FMN1: variants seen among roughly 807,000 people sequenced by gnomAD.
FMN1 encodes formin-1.
FMN1 carries 110 observed loss-of-function variants against 132.4 expected under a neutral mutation model. The ratio of observed to expected loss-of-function variants is 0.83; its 90% CI spans 0.71 to 0.97. The LOEUF (loss-of-function observed/expected upper bound fraction) is 0.97. Among genes scored for constraint, FMN1 ranks in the 50% least tolerant of loss-of-function variants. The pLI, the probability that FMN1 is intolerant of heterozygous loss-of-function variation, is 0.00. For missense variants in FMN1, 1,792 were observed against 1,705.3 expected (o/e 1.05, Z -0.90); for synonymous variants, 722 against 651.7 (o/e 1.11, Z -1.64).
chr15:32,937,265 C>A (rs977524260), intron 9 of FMN1, among the ~76,000 whole-genome samples: 1 of 152,168 alleles, frequency 6.6e-6, no homozygotes, highest in African/African-American at 2.4e-5. Flanking sequence ...CCCCAAAAGT[C>A]TGAACATTAG....
intron 6 of FMN1, among the ~76,000 whole-genome samples, chr15:33,057,817 A>T (rs1316918925): frequency 1.3e-5 from 2 of 152,182 alleles, no homozygotes; most frequent in East Asian, 3.8e-4. Context: ...ATTTCTCAGA[A>T]ATAATTTGTT....
intron 4 of FMN1, among the ~76,000 whole-genome samples, chr15:33,114,517 T>C (rs927063912): frequency 6.6e-6 from 1 of 152,250 alleles, no homozygotes; most frequent in Non-Finnish European, 1.5e-5. Context: ...AAACAAGTCA[T>C]TGTCGATCCA....
At chr15:33,142,124 C>A (rs1202490409) in intron 4 of FMN1, among the ~76,000 whole-genome samples, 1 of 152,152 alleles carries the variant, frequency 6.6e-6, no homozygotes, top group East Asian at 1.9e-4. Context: ...ATAACTATAC[C>A]AACAACTCCA....
intron 4 of FMN1, among the ~76,000 whole-genome samples, chr15:33,089,824 T>C (rs775553908): frequency 6.6e-6 from 1 of 152,208 alleles, no homozygotes; most frequent in African/African-American, 2.4e-5. Flanking sequence ...ATTCTTAAGA[T>C]GGCAATATGT....
intron 17 of FMN1, among the ~76,000 whole-genome samples, chr15:32,850,589 T>G (rs2058986647): frequency 6.6e-6 from 1 of 152,208 alleles, no homozygotes; most frequent in Admixed American, 6.5e-5. Context: ...AAGCTGTTTG[T>G]TCATAAATTC....
intron 4 of FMN1, among the ~76,000 whole-genome samples, chr15:33,113,341 TTATC>T: frequency 6.6e-6 from 1 of 152,344 alleles, no homozygotes; most frequent in South Asian, 2.1e-4. Flanking sequence ...AAAATTTGAA[TTATC>T]TATTGTTTTA....
intron 6 of FMN1, among the ~76,000 whole-genome samples, chr15:33,058,706 C>CTTTA (rs1350738056): frequency 2.0e-5 from 3 of 152,170 alleles, no homozygotes; most frequent in African/African-American, 7.2e-5. Context: ...ATATGCTCTA[C>CTTTA]TTTATTGTTC....
chr15:33,129,769 GAA>G (rs1276990366), intron 4 of FMN1, among the ~76,000 whole-genome samples: 1 of 149,972 alleles, frequency 6.7e-6, no homozygotes, highest in Non-Finnish European at 1.5e-5. Context: ...CCTCTGACCA[GAA>G]AAGAGTTGAC....
intron 10 of FMN1, among the ~76,000 whole-genome samples, chr15:32,915,095 A>T (rs1363839343): frequency 6.6e-6 from 1 of 152,232 alleles, no homozygotes; most frequent in African/African-American, 2.4e-5. Flanking sequence ...TATGGAGATT[A>T]AATTAGTTGT....
At chr15:32,978,308 A>G (rs2032376645) in intron 7 of FMN1, among the ~76,000 whole-genome samples, 1 of 152,226 alleles carries the variant, frequency 6.6e-6, no homozygotes, top group South Asian at 2.1e-4. Flanking sequence ...TTGAGACACA[A>G]AACAAAATTG....
At chr15:33,140,612 CAAT>C (rs1369530170) in intron 4 of FMN1, among the ~76,000 whole-genome samples, 1 of 152,118 alleles carries the variant, frequency 6.6e-6, no homozygotes. Context: ...ATAATTACAA[CAAT>C]GTAAAGTGCT....
At chr15:33,155,588 T>A (rs1202621914) in intron 3 of FMN1, among the ~76,000 whole-genome samples, 1 of 152,216 alleles carries the variant, frequency 6.6e-6, no homozygotes, top group Non-Finnish European at 1.5e-5. Flanking sequence ...CCAAATTTGG[T>A]GTCAACAGTA....
chr15:32,954,408 G>A lies in FMN1; in HGVS notation c.3138+9699C>T, dbSNP rs76930829. 6.8e-3 allele frequency among the ~76,000 whole-genome samples: 1,042 copies of A among 152,278 alleles called. 18 individuals carry two copies. The highest frequency in any genetic ancestry group is 0.024 in the African/African-American group (995 of 41,540). ...TCTATCTGCCTTCTAAAAATAAAAT[G>A]AAAGTTGGCAGATCTTGAGTGTCTT... is the stretch of plus-strand genomic sequence containing the variant. On this transcript the variant is annotated intron_variant, in intron 9 of 20. Coordinates refer to ENST00000616417, the MANE Select transcript of FMN1 (RefSeq NM_001277313.2).
intron 6 of FMN1, among the ~76,000 whole-genome samples, chr15:33,033,974 C>CT (rs2036072112): frequency 6.6e-6 from 1 of 152,066 alleles, no homozygotes; most frequent in South Asian, 2.1e-4. Context: ...CATTTCTCCT[C>CT]TTCATCTCAG....
chr15:32,871,676 G>A (rs1439014796), intron 16 of FMN1, among the ~76,000 whole-genome samples: 1 of 152,178 alleles, frequency 6.6e-6, no homozygotes, highest in Non-Finnish European at 1.5e-5. Context: ...TAGGTAAAAA[G>A]GAAAAACCTT....
intron 16 of FMN1, among the ~76,000 whole-genome samples, chr15:32,863,464 T>C (rs1005845183): frequency 5.9e-5 from 9 of 152,064 alleles, no homozygotes; most frequent in East Asian, 1.9e-4. Flanking sequence ...ATAAAATAAA[T>C]AAACACATCA....
intron 9 of FMN1, among the ~76,000 whole-genome samples, chr15:32,954,526 A>G (rs919248714): frequency 3.3e-5 from 5 of 152,242 alleles, no homozygotes; most frequent in African/African-American, 1.2e-4. Context: ...GAGAATTTAA[A>G]GGACTTGTTC....
intron 17 of FMN1, among the ~76,000 whole-genome samples, chr15:32,837,675 T>G (rs977477761): frequency 2.6e-5 from 4 of 152,234 alleles, no homozygotes; most frequent in Non-Finnish European, 1.5e-5. Context: ...ATCAGCTATA[T>G]CTAATGCTCC....
chr15:33,112,330 TG>T (rs200685991), intron 4 of FMN1, among the ~76,000 whole-genome samples: 10,595 of 152,188 alleles, frequency 0.07, 688 homozygotes, highest in Admixed American at 0.18. Flanking sequence ...CCATGACCTT[TG>T]TTATTTAAAA....
Sources: gnomAD v4.1 joint callset for allele counts (sites outside exome capture counted in the v4.1 genomes callset) on GRCh38, gnomAD v4.1.1 for gene constraint, MANE v1.5 for transcripts, NCBI Gene and HGNC (gene_info 2026-07-23, HGNC 2026-07-21) for gene names.